Variants in NKD1 observed in about 807,000 individuals in gnomAD.
NKD1 encodes NKD inhibitor of Wnt signaling pathway 1, also known as protein naked cuticle homolog 1.
Under a neutral mutation model 56.0 loss-of-function variants are expected in NKD1, and 21 were observed. The ratio of observed to expected loss-of-function variants is 0.38; its 90% CI spans 0.27 to 0.54. The LOEUF is 0.54. NKD1 is among the 20% of genes least tolerant of loss of function. NKD1 has a pLI of 0.82. For synonymous variants in NKD1, 263 were observed against 265.7 expected, an observed-to-expected ratio of 0.99 and a Z score of 0.10; for missense variants, 578 against 642.7, an observed-to-expected ratio of 0.90 and a Z score of 1.09.
chr16:50,610,300 T>TGAGTC (rs1418136804), intron 4 of NKD1, among the ~76,000 whole-genome samples: 2 of 152,234 alleles, frequency 1.3e-5, no homozygotes, highest in East Asian at 3.8e-4. Context: ...GGAGCTGCTC[T>TGAGTC]GGTTTGAGTC....
chr16:50,589,045 C>T (rs1027522575), intron 3 of NKD1, among the ~76,000 whole-genome samples: 4 of 152,090 alleles, frequency 2.6e-5, no homozygotes, highest in Admixed American at 6.5e-5. Context: ...ATGGTCAGTG[C>T]GGCACACCAT....
intron 4 of NKD1, among the ~76,000 whole-genome samples, chr16:50,615,639 C>G (rs755125567): frequency 6.6e-6 from 1 of 152,092 alleles, no homozygotes; most frequent in Non-Finnish European, 1.5e-5. Flanking sequence ...GCAGCCGGGT[C>G]GTGGAAGCCT....
At chr16:50,625,626 C>A in intron 6 of NKD1, 46 bp downstream of exon 6, 1 of 1,253,442 alleles carries the variant, frequency 8.0e-7, no homozygotes, top group Non-Finnish European at 1.2e-6. Flanking sequence ...TACCCGCAGG[C>A]ACAGGGCCTG....
At chr16:50,609,855 G>A (rs550739857) in intron 4 of NKD1, among the ~76,000 whole-genome samples, 41 of 152,314 alleles carry the variant, frequency 2.7e-4, no homozygotes, top group Admixed American at 5.2e-4. Flanking sequence ...AGCTTTGTGT[G>A]TGCATACAGT....
intron 8 of NKD1, 30 bp downstream of exon 8, chr16:50,630,940 G>A (rs1184617978): frequency 2.0e-6 from 3 of 1,525,430 alleles, no homozygotes; most frequent in African/African-American, 2.7e-5. Context: ...ATGAGCATAT[G>A]TTGAGCACCA....
Position 50,646,776 on chromosome 16 carries a change from C to T in NKD1, c.*12995C>T, listed in dbSNP as rs996270513. 3 of 152,272 alleles carry T rather than the reference C, an allele frequency of 2.0e-5. No individual in the cohort carries two copies. The highest frequency in any genetic ancestry group is 4.4e-5 in the Non-Finnish European group (3 of 68,096). The allele number at this position is 152,272 out of a possible 1,614,324, so 9.4% of individuals were successfully genotyped here. A position where few individuals can be genotyped will look rare whatever the true frequency, so the allele number is the denominator to read the frequency against. Reference sequence around the variant, plus strand: ...ATGGGACCCCCTGGTTTGGGAAAATCAGAAAAGGCCTCCTGGAGGAGAGGG... The same window carrying T: ...ATGGGACCCCCTGGTTTGGGAAAATTAGAAAAGGCCTCCTGGAGGAGAGGG... On this transcript the variant is annotated 3_prime_UTR_variant, in exon 10 of 10. Coordinates refer to ENST00000268459, the MANE Select transcript of NKD1 (RefSeq NM_033119.5).
rs546916013 is a variant in NKD1 at position 50,561,314 on chromosome 16, A to G, written c.192+11759A>G. Among the ~76,000 whole-genome samples the G allele has an allele frequency of 4.6e-5, 7 of 151,846 alleles. No individual in the cohort carries two copies. The East Asian group carries it at 1.2e-3, about 25-fold the overall frequency. ...CCTCCAGCTTAGCTATGAGGTATCT[A>G]TTATGACCTCTCCTGCCTTCTGCTT... is the stretch of plus-strand genomic sequence containing the variant. On this transcript the variant is annotated intron_variant, in intron 3 of 9. Coordinates refer to ENST00000268459, the MANE Select transcript of NKD1 (RefSeq NM_033119.5).
chr16:50,583,103 G>C (rs772220750), intron 3 of NKD1, among the ~76,000 whole-genome samples: 2 of 152,186 alleles, frequency 1.3e-5, no homozygotes, highest in Non-Finnish European at 2.9e-5. Flanking sequence ...TGAGAGGTTT[G>C]GTGGCTTAAA....
chr16:50,611,295 G>A (rs115014222), intron 4 of NKD1, among the ~76,000 whole-genome samples: 331 of 151,968 alleles, frequency 2.2e-3, no homozygotes, highest in African/African-American at 7.4e-3. Flanking sequence ...GCCTTTGCTC[G>A]TTGTCTCTCC....
In NKD1 at chr16:50,621,722, T is replaced by C; in HGVS notation, c.366+14T>C. ...CTGAAGTTTGAAGTAAGTTTCCTTT[T>C]GGTGCTGGGTCCTGAGGAGATGAGA... On this transcript the variant is annotated intron_variant, in intron 5 of 9. Coordinates refer to ENST00000268459, the MANE Select transcript of NKD1 (RefSeq NM_033119.5). The C allele has an allele frequency of 6.3e-7, 1 of 1,598,992 alleles. No homozygotes were observed. The highest frequency in any genetic ancestry group is 1.1e-5 in the South Asian group (1 of 90,150).
chr16:50,595,157 C>T (rs1035038608), intron 3 of NKD1, among the ~76,000 whole-genome samples: 12 of 152,104 alleles, frequency 7.9e-5, no homozygotes, highest in African/African-American at 2.2e-4. Context: ...ACTCATCGCT[C>T]GCTGGTTCTT....
intron 3 of NKD1, among the ~76,000 whole-genome samples, chr16:50,596,664 G>A (rs1276652747): frequency 2.0e-5 from 3 of 152,274 alleles, no homozygotes; most frequent in East Asian, 3.8e-4. Flanking sequence ...GCTGCATTTG[G>A]TGGTTCAACA....
intron 3 of NKD1, among the ~76,000 whole-genome samples, chr16:50,568,084 A>C (rs1296504346): frequency 6.6e-6 from 1 of 152,280 alleles, no homozygotes; most frequent in African/African-American, 2.4e-5. Flanking sequence ...TGATGCCAGA[A>C]AGCCCGCTTC....
chr16:50,596,773 T>C (rs540952538), intron 3 of NKD1, among the ~76,000 whole-genome samples: 1 of 152,304 alleles, frequency 6.6e-6, no homozygotes, highest in South Asian at 2.1e-4. Flanking sequence ...GAGAGGGGGC[T>C]GCAGTTTTAA....
At chr16:50,585,928 G>C (rs1961219254) in intron 3 of NKD1, among the ~76,000 whole-genome samples, 1 of 152,214 alleles carries the variant, frequency 6.6e-6, no homozygotes, top group African/African-American at 2.4e-5. Context: ...CAAGGGTTCT[G>C]TTCCTGTCCA....
At chr16:50,592,241 G>T (rs547292292) in intron 3 of NKD1, among the ~76,000 whole-genome samples, 4 of 152,322 alleles carry the variant, frequency 2.6e-5, no homozygotes, top group Admixed American at 2.6e-4. Context: ...CCGCCGCCTG[G>T]GGGCTGCTGG....
chr16:50,573,688 G>A, intron 3 of NKD1: 1 of 451,066 alleles, frequency 2.2e-6, no homozygotes, highest in Non-Finnish European at 2.9e-6. Context: ...TAGCCACTTG[G>A]ATCTTCTGAA....
At chr16:50,624,894 A>G (rs1879844004) in intron 5 of NKD1, among the ~76,000 whole-genome samples, 1 of 152,202 alleles carries the variant, frequency 6.6e-6, no homozygotes, top group Non-Finnish European at 1.5e-5. Flanking sequence ...CTGCAGGGAA[A>G]CAGCTGGGCT....
intron 3 of NKD1, among the ~76,000 whole-genome samples, chr16:50,597,750 C>T (rs996567441): frequency 2.0e-5 from 3 of 152,270 alleles, no homozygotes; most frequent in Non-Finnish European, 2.9e-5. Context: ...GTGTGATCAT[C>T]GTGCACTGCT....
Sources: gnomAD v4.1 joint callset for allele counts (sites outside exome capture counted in the v4.1 genomes callset) on GRCh38, gnomAD v4.1.1 for gene constraint, MANE v1.5 for transcripts, NCBI Gene and HGNC (gene_info 2026-07-23, HGNC 2026-07-21) for gene names.